The following VPS13B variants were observed in gnomAD, a reference collection of about 807,000 sequenced individuals.
VPS13B encodes the protein vacuolar protein sorting 13 homolog B, also known as intermembrane lipid transfer protein VPS13B.
In VPS13B, 285 loss-of-function variants were observed where a neutral mutation model predicts 426.4. That is an observed-to-expected ratio of 0.67 (90% CI 0.61 to 0.74). VPS13B has a LOEUF of 0.74. Among genes scored for constraint, VPS13B ranks in the 30% least tolerant of loss-of-function variants. VPS13B has a pLI of 0.00. For synonymous variants in VPS13B, 1,676 were observed against 1,676.4 expected (o/e 1.00, Z 0.01); for missense variants, 4,537 against 4,782.6 (o/e 0.95, Z 1.51).
chr8:99,379,443 G>A lies in VPS13B; in HGVS notation c.2825-4765G>A, dbSNP rs1274626964. ...ACAAATTTTCAGGAATTATTTTGGTGTTTATTTCTGTATTTTAAAATAACA... is the reference window on the plus strand; with the variant it reads ...ACAAATTTTCAGGAATTATTTTGGTATTTATTTCTGTATTTTAAAATAACA... On this transcript the variant is annotated intron_variant, in intron 19 of 61. Transcript: ENST00000357162. Among the ~76,000 whole-genome samples, 7 of 152,070 alleles carry A rather than the reference G, an allele frequency of 4.6e-5. No homozygotes were observed. In the East Asian group the frequency reaches 1.2e-3, roughly 25 times the overall value.
intron 19 of VPS13B, among the ~76,000 whole-genome samples, chr8:99,348,477 G>A (rs561324880): frequency 6.6e-6 from 1 of 152,292 alleles, no homozygotes; most frequent in East Asian, 1.9e-4. Flanking sequence ...CAGATGACAT[G>A]CAAAAGTTAT....
At chr8:99,767,894 A>G (rs1472998739) in intron 40 of VPS13B, among the ~76,000 whole-genome samples, 8 of 152,050 alleles carry the variant, frequency 5.3e-5, no homozygotes, top group Non-Finnish European at 4.4e-5. Context: ...TCACCACTGC[A>G]CTCCAGCCTG....
intron 36 of VPS13B, among the ~76,000 whole-genome samples, chr8:99,711,278 T>C (rs1832699284): frequency 6.6e-6 from 1 of 152,108 alleles, no homozygotes; most frequent in South Asian, 2.1e-4. Flanking sequence ...AGTTTCAAAA[T>C]TGAACCACAC....
intron 19 of VPS13B, among the ~76,000 whole-genome samples, chr8:99,304,732 T>G (rs1820549238): frequency 6.6e-6 from 1 of 152,194 alleles, no homozygotes; most frequent in Non-Finnish European, 1.5e-5. Context: ...TTCATAATCC[T>G]AGGGATCATC....
chr8:99,637,941 A>G (rs976510254), intron 33 of VPS13B, among the ~76,000 whole-genome samples: 1 of 152,052 alleles, frequency 6.6e-6, no homozygotes, highest in Non-Finnish European at 1.5e-5. Flanking sequence ...GTTATACTGT[A>G]TTTAGATATT....
At chr8:99,444,927 G>C (rs1055464710) in intron 23 of VPS13B, among the ~76,000 whole-genome samples, 4 of 151,898 alleles carry the variant, frequency 2.6e-5, no homozygotes, top group Admixed American at 1.3e-4. Flanking sequence ...GGGATTATAG[G>C]TATTAGTCAC....
chr8:99,361,851 A>G (rs1271223110), intron 19 of VPS13B, among the ~76,000 whole-genome samples: 2 of 152,124 alleles, frequency 1.3e-5, no homozygotes, highest in Non-Finnish European at 2.9e-5. Context: ...ATTACTTTTT[A>G]AGTTCCTACT....
At chr8:99,176,334 A>C (rs886142144) in intron 16 of VPS13B, among the ~76,000 whole-genome samples, 1 of 152,054 alleles carries the variant, frequency 6.6e-6, no homozygotes, top group Non-Finnish European at 1.5e-5. Flanking sequence ...ACGAGGTTTC[A>C]TCTTGTTGGC....
At position 99,039,665 on chromosome 8, in the gene VPS13B, C is replaced by T. The variant is rs1020737012; in HGVS notation, c.291+1099C>T. Reference sequence around the variant, plus strand: ...ACTTCATATGAATCTGTAAGTTTAACGTATTCTAAATGTAACTTTAATCTT... The same window carrying T: ...ACTTCATATGAATCTGTAAGTTTAATGTATTCTAAATGTAACTTTAATCTT... On this transcript the variant is annotated intron_variant, in intron 3 of 61. Coordinates refer to ENST00000357162, the MANE Select transcript of VPS13B (RefSeq NM_152564.5). 4.0e-5 allele frequency among the ~76,000 whole-genome samples: 6 copies of T among 151,454 alleles called. No individual in the cohort carries two copies. In the East Asian group the frequency reaches 5.8e-4, roughly 15 times the overall value.
chr8:99,019,248 C>T (rs1841770183), intron 2 of VPS13B, among the ~76,000 whole-genome samples: 2 of 149,332 alleles, frequency 1.3e-5, no homozygotes, highest in Admixed American at 6.7e-5. Flanking sequence ...CTCTTGTTGC[C>T]CAGGCTGGAG....
At chr8:99,540,013 T>TTATATATA (rs1209568378) in intron 30 of VPS13B, among the ~76,000 whole-genome samples, 3 of 27,114 alleles carry the variant, frequency 1.1e-4, no homozygotes, top group African/African-American at 1.5e-4. Context: ...TATAAATAAA[T>TTATATATA]TATATATATA....
At chr8:99,365,247 T>C (rs1408899673) in intron 19 of VPS13B, among the ~76,000 whole-genome samples, 4 of 151,790 alleles carry the variant, frequency 2.6e-5, no homozygotes, top group Non-Finnish European at 5.9e-5. Context: ...TCTTTTGTAT[T>C]TTCTTCATTT....
rs372887370 is a variant in VPS13B at position 99,502,895 on chromosome 8, T to C, written c.4102T>C (p.Tyr1368His). The C allele has an allele frequency of 1.2e-6, 2 of 1,613,474 alleles. No homozygotes were observed. Among genetic ancestry groups the C allele is most frequent in the Non-Finnish European group, 1.7e-6 (2 of 1,179,668 alleles). ...LSASIDVQDV[Y>H]TKVKCKIESF... ...TGCTTCCATAGATGTCCAGGATGTATATACCAAAGTGAAATGTAAAATAGA... is the reference window on the plus strand; with the variant it reads ...TGCTTCCATAGATGTCCAGGATGTACATACCAAAGTGAAATGTAAAATAGA... The change falls in exon 27 of 62, where the codon TAT becomes CAT. Residue 1368 changes from tyrosine (Y) to histidine (H), a missense_variant. Tyr to His is a moderately conservative substitution (Grantham distance 83). Transcript: ENST00000357162.
intron 33 of VPS13B, among the ~76,000 whole-genome samples, chr8:99,589,431 C>A (rs1195787795): frequency 6.6e-6 from 1 of 151,608 alleles, no homozygotes; most frequent in African/African-American, 2.4e-5. Flanking sequence ...GTTCAGTTCC[C>A]ACCTATGAGT....
chr8:99,627,162 C>G (rs1439744908), intron 33 of VPS13B, among the ~76,000 whole-genome samples: 1 of 151,908 alleles, frequency 6.6e-6, no homozygotes, highest in Non-Finnish European at 1.5e-5. Flanking sequence ...TACAGACTTT[C>G]AGATAGACAA....
At chr8:99,085,713 T>C (rs1259553618) in intron 3 of VPS13B, among the ~76,000 whole-genome samples, 1 of 152,228 alleles carries the variant, frequency 6.6e-6, no homozygotes, top group Non-Finnish European at 1.5e-5. Context: ...TTGTCAAGCT[T>C]AATTTGGCTG....
intron 33 of VPS13B, among the ~76,000 whole-genome samples, chr8:99,582,790 G>A (rs888970355): frequency 1.2e-4 from 18 of 152,048 alleles, no homozygotes; most frequent in African/African-American, 4.3e-4. Flanking sequence ...CGAGTAGCTG[G>A]GACTAGAGGC....
intron 15 of VPS13B, among the ~76,000 whole-genome samples, chr8:99,162,504 C>T (rs928419651): frequency 2.0e-5 from 3 of 151,858 alleles, no homozygotes; most frequent in Non-Finnish European, 4.4e-5. Context: ...CTTAAGGTGG[C>T]GCGTCTGGAG....
At chr8:99,150,293 A>G (rs551269146) in intron 14 of VPS13B, among the ~76,000 whole-genome samples, 4 of 152,150 alleles carry the variant, frequency 2.6e-5, no homozygotes, top group Non-Finnish European at 5.9e-5. Context: ...GAGATTTTTC[A>G]TAAACTGACT....
Sources: allele counts gnomAD v4.1 joint callset (sites outside exome capture counted in the v4.1 genomes callset), GRCh38; gene constraint gnomAD v4.1.1; transcripts MANE v1.5; gene names NCBI Gene and HGNC (gene_info 2026-07-23, HGNC 2026-07-21).